Variants in GLG1 observed in about 807,000 individuals in gnomAD.
GLG1 encodes the protein golgi glycoprotein 1, also known as Golgi apparatus protein 1.
GLG1 carries 38 observed loss-of-function variants against 160.5 expected under a neutral mutation model. The observed-to-expected ratio is 0.24, with a 90% CI of 0.18 to 0.31. The LOEUF is 0.31. Ranked by LOEUF, GLG1 falls within the 10% of genes least tolerant of loss-of-function variation. The pLI is 1.00. For missense variants in GLG1, 1,373 were observed against 1,505.2 expected (o/e 0.91, Z 1.45); for synonymous variants, 644 against 543.4 (o/e 1.19, Z -2.57).
intron 6 of GLG1, 91 bp downstream of exon 6, chr16:74,494,669 T>C (rs111858193): frequency 8.3e-6 from 5 of 605,180 alleles, no homozygotes; most frequent in Non-Finnish European, 1.2e-5. Flanking sequence ...CCTCCCAAAG[T>C]GCTGGGATTA....
chr16:74,536,282 A>G (rs1009235848), intron 1 of GLG1, among the ~76,000 whole-genome samples: 6 of 152,234 alleles, frequency 3.9e-5, no homozygotes, highest in African/African-American at 1.4e-4. Flanking sequence ...GAAGATGAAT[A>G]GCATGAGGAA....
At chr16:74,566,949 A>G (rs2018669689) in intron 1 of GLG1, among the ~76,000 whole-genome samples, 1 of 152,228 alleles carries the variant, frequency 6.6e-6, no homozygotes, top group Admixed American at 6.5e-5. Flanking sequence ...AATGAAAAGT[A>G]TATATAGTCA....
chr16:74,526,609 A>C (rs1470133407), intron 2 of GLG1, among the ~76,000 whole-genome samples: 5 of 152,056 alleles, frequency 3.3e-5, no homozygotes, highest in African/African-American at 1.2e-4. Flanking sequence ...CTGTAGTCCC[A>C]GCTACTCAGG....
At chr16:74,544,694 G>C (rs1328233404) in intron 1 of GLG1, among the ~76,000 whole-genome samples, 1 of 152,144 alleles carries the variant, frequency 6.6e-6, no homozygotes, top group African/African-American at 2.4e-5. Flanking sequence ...TAGAGACAGG[G>C]TTTGGCCATT....
At chr16:74,506,207 G>C (rs1321054685) in intron 3 of GLG1, among the ~76,000 whole-genome samples, 1 of 147,298 alleles carries the variant, frequency 6.8e-6, no homozygotes, top group Non-Finnish European at 1.5e-5. Context: ...TACAAAACAA[G>C]ACTAGTGGCA....
chr16:74,456,888 T>C (rs111238935), intron 24 of GLG1, 133 bp from the exon 25 acceptor site: 1 of 655,802 alleles, frequency 1.5e-6, no homozygotes, highest in Non-Finnish European at 2.7e-6. Flanking sequence ...AAATACATAC[T>C]AGGAAACTTG....
At chr16:74,577,522 C>CA (rs71376222) in intron 1 of GLG1, among the ~76,000 whole-genome samples, 84,030 of 119,996 alleles carry the variant, frequency 0.7, 28,112 homozygotes, top group East Asian at 0.81. Flanking sequence ...AACTCCATCT[C>CA]AAAAAAAAAA....
chr16:74,542,702 GAGGAAGGGAAGAAGGGAAGGA>G (rs200159901), intron 1 of GLG1, among the ~76,000 whole-genome samples: 1,055 of 61,430 alleles, frequency 0.017, 142 homozygotes, highest in Admixed American at 0.035. Context: ...AGGAGGGAGG[GAGGAAGGGAAGAAGGGAAGGA>G]AGGAAGGAAG....
At chr16:74,516,276 C>A (rs1252540224) in intron 2 of GLG1, among the ~76,000 whole-genome samples, 1 of 151,680 alleles carries the variant, frequency 6.6e-6, no homozygotes, top group East Asian at 1.9e-4. Flanking sequence ...CACACCACAC[C>A]TATTCCAAAA....
At chr16:74,572,811 T>C (rs2018869611) in intron 1 of GLG1, among the ~76,000 whole-genome samples, 1 of 152,172 alleles carries the variant, frequency 6.6e-6, no homozygotes, top group African/African-American at 2.4e-5. Flanking sequence ...GGGTGGTGCC[T>C]GTGGGAAGCC....
At chr16:74,542,716 G>GGAAGGGAGGGAGGGAGGAAGGAA (rs752290157) in intron 1 of GLG1, among the ~76,000 whole-genome samples, 2 of 29,784 alleles carry the variant, frequency 6.7e-5, no homozygotes, top group Non-Finnish European at 1.3e-4. Context: ...AAGGGAAGAA[G>GGAAGGGAGGGAGGGAGGAAGGAA]GGAAGGAAGG....
chr16:74,567,211 CAGAGAG>C lies in GLG1; in HGVS notation c.439-35064_439-35059del, dbSNP rs199518297. The stretch of plus-strand genomic sequence containing the variant: ...GGTGTAGGGAGCGGGGAGAGAGAGA[CAGAGAG>C]AGAGAGAGAGAGACAGACAGAGAGA... On this transcript the variant is annotated intron_variant, in intron 1 of 25. Coordinates refer to ENST00000422840, the MANE Select transcript of GLG1 (RefSeq NM_001145667.2). Among the ~76,000 whole-genome samples, 4 of 147,234 alleles carry C rather than the reference CAGAGAG, an allele frequency of 2.7e-5. No homozygotes were observed. The East Asian group carries it at 6.1e-4, about 22-fold the overall frequency.
chr16:74,545,390 A>C (rs1489815160), intron 1 of GLG1, among the ~76,000 whole-genome samples: 1 of 152,118 alleles, frequency 6.6e-6, no homozygotes, highest in Non-Finnish European at 1.5e-5. Context: ...CATGTTGCCC[A>C]GGCTGGTCTC....
Position 74,450,762 on chromosome 16 carries a change from T to G in GLG1, c.*2405A>C, listed in dbSNP as rs2014256936. ...TACTCAGGAGGCTGAGGCAGAGAAT[T>G]GCTTGAACCCAGGAGGTGGAGGTTG... On this transcript the variant is annotated 3_prime_UTR_variant, in exon 26 of 26. Coordinates refer to ENST00000422840, the MANE Select transcript of GLG1 (RefSeq NM_001145667.2). 6.6e-6 allele frequency: 1 copy of G among 151,410 alleles called. No individual in the cohort carries two copies. The highest frequency in any genetic ancestry group is 2.4e-5 in the African/African-American group (1 of 41,168). The allele number at this position is 151,410 out of a possible 1,614,324, so 9.4% of individuals were successfully genotyped here. A position where few individuals can be genotyped will look rare whatever the true frequency, so the allele number is the denominator to read the frequency against.
At chr16:74,474,375 A>G in intron 13 of GLG1, 171 bp downstream of exon 13, 1 of 591,504 alleles carries the variant, frequency 1.7e-6, no homozygotes, top group Admixed American at 2.9e-5. Flanking sequence ...AGGAGCTCAC[A>G]AAGCAACACA....
At chr16:74,475,741 T>C (rs1431133363) in intron 12 of GLG1, among the ~76,000 whole-genome samples, 1 of 152,184 alleles carries the variant, frequency 6.6e-6, no homozygotes, top group Non-Finnish European at 1.5e-5. Flanking sequence ...AGAATCTCTC[T>C]GTTTCAGAAT....
At position 74,455,785 on chromosome 16, in the gene GLG1, A is replaced by C. The variant is rs1008563637; in HGVS notation, c.3372+864T>G. Among the ~76,000 whole-genome samples, 30 of 152,254 alleles carry C rather than the reference A, an allele frequency of 2.0e-4. 1 individual carries two copies. Among genetic ancestry groups the C allele is most frequent in the Non-Finnish European group, 2.9e-5 (2 of 68,046 alleles). ...CTAAAAACCAGAGGGACTCTGGGCA[A>C]GTCGTGACCTCTGAAGTCAGTTTCC... On this transcript the variant is annotated intron_variant, in intron 25 of 25. Transcript: ENST00000422840.
intron 1 of GLG1, among the ~76,000 whole-genome samples, chr16:74,580,361 T>C (rs1957910732): frequency 6.6e-6 from 1 of 151,748 alleles, no homozygotes; most frequent in Admixed American, 6.6e-5. Context: ...AAACCAAGCC[T>C]GGTAGCATCT....
intron 1 of GLG1, among the ~76,000 whole-genome samples, chr16:74,603,730 A>T (rs1432682439): frequency 6.6e-6 from 1 of 152,174 alleles, no homozygotes; most frequent in African/African-American, 2.4e-5. Flanking sequence ...CTTCCTTATC[A>T]CATACTAAGC....
Sources: allele counts gnomAD v4.1 joint callset (sites outside exome capture counted in the v4.1 genomes callset), GRCh38; gene constraint gnomAD v4.1.1; transcripts MANE v1.5; gene names NCBI Gene and HGNC (gene_info 2026-07-23, HGNC 2026-07-21).